SLC38A9: variants seen among roughly 807,000 people sequenced by gnomAD.
The protein encoded by SLC38A9 is solute carrier family 38 member 9, also known as neutral amino acid transporter 9.
SLC38A9 carries 48 observed loss-of-function variants against 62.3 expected under a neutral mutation model. The observed-to-expected ratio is 0.77, with a 90% CI of 0.61 to 0.98. SLC38A9 has a LOEUF of 0.98. SLC38A9 is among the 50% of genes least tolerant of loss of function. The pLI is 0.00. For synonymous variants in SLC38A9, 204 were observed against 227.7 expected (o/e 0.90, Z 0.94); for missense variants, 541 against 679.8 (o/e 0.80, Z 2.27).
intron 3 of SLC38A9, among the ~76,000 whole-genome samples, chr5:55,689,650 C>T (rs1754453615): frequency 6.6e-6 from 1 of 152,182 alleles, no homozygotes. Context: ...CTCCAAAAAA[C>T]CCACACTTTT....
At chr5:55,656,610 T>C in intron 9 of SLC38A9, 105 bp downstream of exon 9, 1 of 766,144 alleles carries the variant, frequency 1.3e-6, no homozygotes, top group Non-Finnish European at 2.3e-6. Context: ...AACATAATAA[T>C]TTTCTACTAA....
Position 55,678,645 on chromosome 5 carries a change from C to CTTTT in SLC38A9, c.114-5954_114-5951dup, listed in dbSNP as rs869297949. Among the ~76,000 whole-genome samples the CTTTT allele has an allele frequency of 1.1e-4, 5 of 45,816 alleles. 1 individual carries two copies. The highest frequency in any genetic ancestry group is 3.0e-4 in the Admixed American group (1 of 3,386). The allele number at this position is 45,816 out of a possible 152,430, so 30.1% of individuals were successfully genotyped here. ...AATTGTTGGATAAGACTGAAATGAA[C>CTTTT]TTTTTTTTTTTTTTTTTTTTTTTTT... On this transcript the variant is annotated intron_variant, in intron 3 of 15. Coordinates refer to ENST00000396865, the MANE Select transcript of SLC38A9 (RefSeq NM_173514.4).
chr5:55,709,516 AG>A (rs1757720562), intron 2 of SLC38A9, among the ~76,000 whole-genome samples: 1 of 152,024 alleles, frequency 6.6e-6, no homozygotes, highest in African/African-American at 2.4e-5. Flanking sequence ...TAGGAGTTCA[AG>A]GTAACAGTTA....
chr5:55,657,383 C>T (rs1258639699), intron 8 of SLC38A9, among the ~76,000 whole-genome samples: 1 of 152,098 alleles, frequency 6.6e-6, no homozygotes, highest in Non-Finnish European at 1.5e-5. Context: ...TGTAAGTTTT[C>T]TCTTATCCTC....
At chr5:55,709,167 C>T (rs1757677388) in intron 2 of SLC38A9, among the ~76,000 whole-genome samples, 1 of 152,076 alleles carries the variant, frequency 6.6e-6, no homozygotes, top group African/African-American at 2.4e-5. Context: ...CTTCAAAAGG[C>T]GTTAAATTTG....
chr5:55,642,729 T>A (rs527250546), intron 12 of SLC38A9, among the ~76,000 whole-genome samples: 1 of 152,310 alleles, frequency 6.6e-6, no homozygotes, highest in East Asian at 1.9e-4. Context: ...TTTTTACATA[T>A]GACAAAAATG....
chr5:55,672,909 G>A (rs941054217), intron 3 of SLC38A9: 5 of 386,624 alleles, frequency 1.3e-5, no homozygotes, highest in African/African-American at 1.2e-4. Context: ...TTTACTTTAA[G>A]CACACTTTTT....
chr5:55,670,495 A>G (rs1352122729), intron 4 of SLC38A9, among the ~76,000 whole-genome samples: 5 of 152,180 alleles, frequency 3.3e-5, no homozygotes, highest in South Asian at 2.1e-4. Context: ...AAAAAGCAAG[A>G]GTTTAAAAAT....
chr5:55,667,055 C>T (rs111336268), intron 7 of SLC38A9, among the ~76,000 whole-genome samples: 5,927 of 151,890 alleles, frequency 0.039, 156 homozygotes, highest in African/African-American at 0.082. Flanking sequence ...ATTAACCAGG[C>T]GTGGTGGTGG....
intron 12 of SLC38A9, among the ~76,000 whole-genome samples, chr5:55,640,757 A>C (rs1256146608): frequency 6.6e-6 from 1 of 152,242 alleles, no homozygotes; most frequent in African/African-American, 2.4e-5. Context: ...TAATTGTTCT[A>C]AGATCTTTAA....
chr5:55,660,464 A>T (rs993897265), intron 8 of SLC38A9, among the ~76,000 whole-genome samples: 2 of 152,208 alleles, frequency 1.3e-5, no homozygotes, highest in African/African-American at 4.8e-5. Context: ...AGCAACAAAT[A>T]ATTTGAATGT....
Position 55,656,787 on chromosome 5 carries a change from GA to G in SLC38A9, c.698-14del. On this transcript the variant is annotated splice_polypyrimidine_tract_variant and intron_variant, in intron 8 of 15. Transcript: ENST00000396865. ...TGATGAATAAAATCTAAAAATAAAG[GA>G]AAAAATATAGTTTAACACTGAATGA... The G allele has an allele frequency of 7.1e-7, 1 of 1,407,474 alleles. No homozygotes were observed. Among genetic ancestry groups the G allele is most frequent in the Non-Finnish European group, 1.0e-6 (1 of 1,004,092 alleles). The allele number at this position is 1,407,474 out of a possible 1,614,324, so 87.2% of individuals were successfully genotyped here. A position where few individuals can be genotyped will look rare whatever the true frequency, so the allele number is the denominator to read the frequency against.
chr5:55,648,095 C>T (rs774663149), intron 11 of SLC38A9, among the ~76,000 whole-genome samples: 14 of 152,042 alleles, frequency 9.2e-5, no homozygotes, highest in African/African-American at 2.4e-4. Context: ...CAAAATTAGC[C>T]GGGCATGGTG....
chr5:55,679,190 T>C (rs1340886685), intron 3 of SLC38A9, among the ~76,000 whole-genome samples: 1 of 152,198 alleles, frequency 6.6e-6, no homozygotes, highest in Non-Finnish European at 1.5e-5. Flanking sequence ...CAAATGAATA[T>C]GTGCATGCAC....
intron 7 of SLC38A9, chr5:55,665,179 A>T (rs142220665): frequency 6.2e-6 from 1 of 160,842 alleles, no homozygotes; most frequent in East Asian, 1.7e-4. Context: ...TATTTGGCAT[A>T]TTCAGATAAC....
At chr5:55,693,667 C>T (rs548278493) in intron 3 of SLC38A9, among the ~76,000 whole-genome samples, 1 of 152,214 alleles carries the variant, frequency 6.6e-6, no homozygotes, top group East Asian at 1.9e-4. Context: ...CAGAATATGC[C>T]TCATTTAATT....
intron 3 of SLC38A9, among the ~76,000 whole-genome samples, chr5:55,678,081 G>A (rs1227760308): frequency 6.6e-6 from 1 of 151,110 alleles, no homozygotes; most frequent in Non-Finnish European, 1.5e-5. Flanking sequence ...TAGGGGACAG[G>A]CTAGAGAGAA....
rs760089007 is a variant in SLC38A9 at position 55,658,704 on chromosome 5, G to A, written c.698-1930C>T. On this transcript the variant is annotated intron_variant, in intron 8 of 15. Coordinates refer to ENST00000396865, the MANE Select transcript of SLC38A9 (RefSeq NM_173514.4). ...TATGAAAGAAGAAATCTGTGTTGTTGTAAGCATATTTATGGTAATTTGTTA... is the reference window on the plus strand; with the variant it reads ...TATGAAAGAAGAAATCTGTGTTGTTATAAGCATATTTATGGTAATTTGTTA... Among the ~76,000 whole-genome samples, 35 of 152,160 alleles carry A rather than the reference G, an allele frequency of 2.3e-4. 1 individual carries two copies. Among genetic ancestry groups the A allele is most frequent in the Admixed American group, 1.7e-3 (26 of 15,278 alleles).
Position 55,626,509 on chromosome 5 carries a change from A to G in SLC38A9, c.1671T>C (p.Val557=). 1 of 1,611,718 alleles carries G rather than the reference A, an allele frequency of 6.2e-7. No homozygotes were observed. Among genetic ancestry groups the G allele is most frequent in the Non-Finnish European group, 8.5e-7 (1 of 1,179,204 alleles). The change falls in exon 16 of 16, where the codon GTT becomes GTC. Residue 557 remains valine (V), a synonymous_variant. Coordinates refer to ENST00000396865, the MANE Select transcript of SLC38A9 (RefSeq NM_173514.4). ...IIILGVANLI[V]QFFM is the part of the protein sequence containing the mutation. ...TTGAGGTATTTCACATAAAAAACTG[A>G]ACAATCAGGTTAGCCACGCCCAAAA... is the stretch of plus-strand genomic sequence containing the variant.
Sources: gnomAD v4.1 joint callset for allele counts (sites outside exome capture counted in the v4.1 genomes callset) on GRCh38, gnomAD v4.1.1 for gene constraint, MANE v1.5 for transcripts, NCBI Gene and HGNC (gene_info 2026-07-23, HGNC 2026-07-21) for gene names.